Variants in ZNF804A observed in about 807,000 individuals in gnomAD.
The protein encoded by ZNF804A is zinc finger protein 804A.
In ZNF804A, 2 loss-of-function variants were observed where a neutral mutation model predicts 16.5. The ratio of observed to expected loss-of-function variants is 0.12; its 90% CI spans 0.05 to 0.38. The LOEUF (loss-of-function observed/expected upper bound fraction) is 0.38. Among genes scored for constraint, ZNF804A ranks in the 10% least tolerant of loss-of-function variants. The pLI, the probability that ZNF804A is intolerant of heterozygous loss-of-function variation, is 0.99. For missense variants in ZNF804A, 1,473 were observed against 1,390.7 expected (o/e 1.06, Z -0.94); for synonymous variants, 534 against 489.6 (o/e 1.09, Z -1.20).
At chr2:184,705,405 C>T (rs540828679) in intron 1 of ZNF804A, among the ~76,000 whole-genome samples, 2 of 152,218 alleles carry the variant, frequency 1.3e-5, no homozygotes, top group Admixed American at 6.5e-5. Context: ...TACATATGTA[C>T]GCCCTGATTT....
chr2:184,600,220 A>G (rs1221696278), intron 1 of ZNF804A, among the ~76,000 whole-genome samples: 1 of 152,198 alleles, frequency 6.6e-6, no homozygotes, highest in Admixed American at 6.5e-5. Flanking sequence ...TTATGAATAA[A>G]GAAAATATGC....
At chr2:184,680,495 G>C (rs1435097969) in intron 1 of ZNF804A, among the ~76,000 whole-genome samples, 2 of 152,226 alleles carry the variant, frequency 1.3e-5, no homozygotes, top group Non-Finnish European at 2.9e-5. Flanking sequence ...CAGACACTGG[G>C]ACAACTTTCC....
At chr2:184,611,040 C>T (rs1033087857) in intron 1 of ZNF804A, among the ~76,000 whole-genome samples, 2 of 152,124 alleles carry the variant, frequency 1.3e-5, no homozygotes, top group African/African-American at 4.8e-5. Context: ...ATGTACTTCT[C>T]ACAGTTCTAG....
At chr2:184,624,806 A>T (rs1370799444) in intron 1 of ZNF804A, among the ~76,000 whole-genome samples, 1 of 152,202 alleles carries the variant, frequency 6.6e-6, no homozygotes, top group Non-Finnish European at 1.5e-5. Context: ...TTTTGAATTT[A>T]TAACCATGAA....
chr2:184,917,797 A>G (rs984889295), intron 2 of ZNF804A, among the ~76,000 whole-genome samples: 3 of 112,142 alleles, frequency 2.7e-5, no homozygotes, highest in Non-Finnish European at 5.4e-5. Context: ...TAGCACATAC[A>G]CACACACACA....
At chr2:184,915,482 A>T (rs563349105) in intron 2 of ZNF804A, among the ~76,000 whole-genome samples, 150 of 152,202 alleles carry the variant, frequency 9.9e-4, no homozygotes, top group African/African-American at 3.5e-3. Context: ...TCACTGTACT[A>T]TCCAATGTTT....
At chr2:184,819,786 A>G (rs186570527) in intron 1 of ZNF804A, among the ~76,000 whole-genome samples, 1 of 152,070 alleles carries the variant, frequency 6.6e-6, no homozygotes, top group African/African-American at 2.4e-5. Flanking sequence ...AATACTATAA[A>G]CACCTCTATG....
At chr2:184,643,863 C>T (rs984705798) in intron 1 of ZNF804A, among the ~76,000 whole-genome samples, 1 of 151,240 alleles carries the variant, frequency 6.6e-6, no homozygotes, top group Non-Finnish European at 1.5e-5. Flanking sequence ...CCGAACAGAA[C>T]CTGACAATAT....
chr2:184,929,455 A>T lies in ZNF804A; in HGVS notation c.256-4148A>T, dbSNP rs141458818. 6.4e-3 allele frequency among the ~76,000 whole-genome samples: 971 copies of T among 152,154 alleles called. 7 individuals carry two copies. The highest frequency in any genetic ancestry group is 0.02 in the African/African-American group (822 of 41,532). On this transcript the variant is annotated intron_variant, in intron 2 of 3. Coordinates refer to ENST00000302277, the MANE Select transcript of ZNF804A (RefSeq NM_194250.2). Reference sequence around the variant, plus strand: ...ACTATTTGTAATCATTGATTATTACATGTATTTTATGTATTATATATGTTT... The same window carrying T: ...ACTATTTGTAATCATTGATTATTACTTGTATTTTATGTATTATATATGTTT...
intron 1 of ZNF804A, among the ~76,000 whole-genome samples, chr2:184,757,694 C>A (rs1237568317): frequency 2.0e-5 from 3 of 151,880 alleles, no homozygotes; most frequent in Admixed American, 6.6e-5. Context: ...CTGGCTAGTT[C>A]TGAAATTATG....
At chr2:184,625,326 AT>A (rs1272969030) in intron 1 of ZNF804A, among the ~76,000 whole-genome samples, 1 of 152,054 alleles carries the variant, frequency 6.6e-6, no homozygotes, top group African/African-American at 2.4e-5. Flanking sequence ...TTGCTTTCTT[AT>A]TTTTTCTCAC....
intron 2 of ZNF804A, among the ~76,000 whole-genome samples, chr2:184,875,335 G>T (rs1696037624): frequency 6.6e-6 from 1 of 152,170 alleles, no homozygotes; most frequent in South Asian, 2.1e-4. Context: ...ATGGCTTGGT[G>T]CCATTCTCAT....
chr2:184,709,746 C>A (rs1486370991), intron 1 of ZNF804A, among the ~76,000 whole-genome samples: 1 of 150,558 alleles, frequency 6.6e-6, no homozygotes, highest in Non-Finnish European at 1.5e-5. Flanking sequence ...ATTCTTGGCT[C>A]CAAACATAAA....
chr2:184,768,230 A>G (rs894845522), intron 1 of ZNF804A, among the ~76,000 whole-genome samples: 22 of 152,072 alleles, frequency 1.4e-4, no homozygotes, highest in Non-Finnish European at 2.8e-4. Flanking sequence ...GTATTGGGGG[A>G]TGTGCATAGA....
chr2:184,618,835 C>T (rs1364142836), intron 1 of ZNF804A, among the ~76,000 whole-genome samples: 5 of 152,044 alleles, frequency 3.3e-5, no homozygotes, highest in African/African-American at 1.2e-4. Context: ...CAAAGCTGCC[C>T]ATTTTCTAAT....
intron 1 of ZNF804A, among the ~76,000 whole-genome samples, chr2:184,599,564 C>T (rs899504457): frequency 5.9e-5 from 9 of 152,170 alleles, no homozygotes; most frequent in African/African-American, 2.2e-4. Flanking sequence ...GGACTGATAG[C>T]AAACTTCTCC....
intron 1 of ZNF804A, among the ~76,000 whole-genome samples, chr2:184,722,903 G>A (rs1693340707): frequency 6.6e-6 from 1 of 151,956 alleles, no homozygotes; most frequent in South Asian, 2.1e-4. Flanking sequence ...TACCCTACAG[G>A]AAAGTTTAGG....
chr2:184,703,796 T>G (rs1692972208), intron 1 of ZNF804A, among the ~76,000 whole-genome samples: 1 of 151,720 alleles, frequency 6.6e-6, no homozygotes, highest in Non-Finnish European at 1.5e-5. Flanking sequence ...AATGCTGCAG[T>G]ATAGATATGA....
intron 1 of ZNF804A, among the ~76,000 whole-genome samples, chr2:184,694,781 G>T (rs957433158): frequency 3.3e-5 from 5 of 152,136 alleles, no homozygotes; most frequent in African/African-American, 1.2e-4. Context: ...ATTAATCTCA[G>T]AGTTCCTTAT....
Sources: allele counts gnomAD v4.1 joint callset (sites outside exome capture counted in the v4.1 genomes callset), GRCh38; gene constraint gnomAD v4.1.1; transcripts MANE v1.5; gene names NCBI Gene and HGNC (gene_info 2026-07-23, HGNC 2026-07-21).